MYO18B: variants seen among roughly 807,000 people sequenced by gnomAD.
MYO18B encodes the protein unconventional myosin-XVIIIb.
A neutral mutation model predicts 273.0 loss-of-function variants in MYO18B; 204 were observed. That is an observed-to-expected ratio of 0.75 (90% confidence interval 0.67 to 0.84). The LOEUF is 0.84. Among genes scored for constraint, MYO18B ranks in the 40% least tolerant of loss-of-function variants. The probability of loss-of-function intolerance (pLI) is 0.00; values close to 1 mark genes in which losing one functional copy is unlikely to be tolerated. For missense variants in MYO18B, 3,212 were observed against 3,287.6 expected (o/e 0.98, Z 0.56); for synonymous variants, 1,330 against 1,305.7 (o/e 1.02, Z -0.40).
chr22:25,818,607 C>G (rs1477217189), intron 12 of MYO18B, among the ~76,000 whole-genome samples: 1 of 152,158 alleles, frequency 6.6e-6, no homozygotes, highest in East Asian at 1.9e-4. Context: ...GGGTGTGACC[C>G]ACATCCCAAG....
intron 11 of MYO18B, among the ~76,000 whole-genome samples, chr22:25,787,192 G>C (rs1455631658): frequency 6.6e-6 from 1 of 151,778 alleles, no homozygotes; most frequent in African/African-American, 2.4e-5. Flanking sequence ...TCCAGCGTGG[G>C]AGACAGAGCG....
intron 1 of MYO18B, 42 bp downstream of exon 1, chr22:25,742,335 A>C (rs1424131071): frequency 6.6e-6 from 1 of 152,250 alleles, no homozygotes; most frequent in Non-Finnish European, 1.5e-5. Flanking sequence ...TTGCGAGCGG[A>C]TCGGCGAGTT....
the MYO18B span, among the ~76,000 whole-genome samples, chr22:26,060,168 C>T: frequency 2.0e-5 from 3 of 152,198 alleles, no homozygotes; most frequent in East Asian, 5.8e-4. Flanking sequence ...CCACATTCTA[C>T]TCACTCCTTG....
chr22:25,784,779 T>A (rs928429596), intron 10 of MYO18B, among the ~76,000 whole-genome samples: 6 of 152,290 alleles, frequency 3.9e-5, no homozygotes, highest in Non-Finnish European at 7.4e-5. Flanking sequence ...CAAAAGTGGG[T>A]GGCCCATCTG....
chr22:26,007,477 A>G (rs1403966665), intron 42 of MYO18B, among the ~76,000 whole-genome samples: 2 of 152,212 alleles, frequency 1.3e-5, no homozygotes, highest in Admixed American at 1.3e-4. Flanking sequence ...CTCACCTGGT[A>G]AAGTTTACTG....
chr22:26,002,976 G>A (rs1934098501), intron 40 of MYO18B, among the ~76,000 whole-genome samples: 1 of 152,188 alleles, frequency 6.6e-6, no homozygotes, highest in Non-Finnish European at 1.5e-5. Flanking sequence ...AACAAGAGTA[G>A]CGGTAATGGT....
chr22:25,886,665 T>A lies in MYO18B; in HGVS notation c.4315-4091T>A, dbSNP rs5761301. Among the ~76,000 whole-genome samples, 4 of 152,210 alleles carry A rather than the reference T, an allele frequency of 2.6e-5. No individual in the cohort carries two copies. In the South Asian group the frequency reaches 8.3e-4, roughly 32 times the overall value. On this transcript the variant is annotated intron_variant, in intron 25 of 43. Coordinates refer to ENST00000335473, the MANE Select transcript of MYO18B (RefSeq NM_032608.7). ...AGCTCTCTGGGCTATGGCTGCCTGG[T>A]TTGTTCTAGGTGGATAATTGCTTTA... is the stretch of plus-strand genomic sequence containing the variant.
chr22:25,790,166 A>AAAC (rs2087598781), intron 11 of MYO18B, among the ~76,000 whole-genome samples: 1 of 152,226 alleles, frequency 6.6e-6, no homozygotes, highest in African/African-American at 2.4e-5. Flanking sequence ...AAAAAACAAC[A>AAAC]AACTTTCACA....
intron 33 of MYO18B, among the ~76,000 whole-genome samples, chr22:25,920,152 G>A (rs1214115979): frequency 6.6e-6 from 1 of 152,148 alleles, no homozygotes; most frequent in East Asian, 1.9e-4. Context: ...GAAATGGTTA[G>A]CATTTCATGT....
intron 40 of MYO18B, among the ~76,000 whole-genome samples, chr22:25,999,651 T>TCTCCTCCTCCTC (rs895145734): frequency 5.0e-5 from 3 of 59,596 alleles, no homozygotes; most frequent in African/African-American, 1.9e-4. Flanking sequence ...TTCTCCTCCT[T>TCTCCTCCTCCTC]CTCCTCCTCC....
intron 40 of MYO18B, among the ~76,000 whole-genome samples, chr22:25,997,093 C>T (rs1009969701): frequency 3.9e-5 from 6 of 151,914 alleles, no homozygotes; most frequent in African/African-American, 9.7e-5. Context: ...GAGGCCAAGG[C>T]GGGTGGATCA....
intron 16 of MYO18B, among the ~76,000 whole-genome samples, chr22:25,834,647 A>ATT (rs1351327778): frequency 6.6e-6 from 1 of 152,084 alleles, no homozygotes; most frequent in African/African-American, 2.4e-5. Flanking sequence ...CCAACTCCTT[A>ATT]TGGGCCCTCA....
chr22:25,796,115 A>T (rs890412086), intron 11 of MYO18B, among the ~76,000 whole-genome samples: 1 of 152,180 alleles, frequency 6.6e-6, no homozygotes, highest in African/African-American at 2.4e-5. Context: ...TTCCCGGCTC[A>T]CTTCCTTTCC....
intron 15 of MYO18B, among the ~76,000 whole-genome samples, chr22:25,830,625 G>A (rs1159355704): frequency 3.3e-5 from 5 of 152,198 alleles, no homozygotes; most frequent in Non-Finnish European, 5.9e-5. Context: ...GGCTGTCCTT[G>A]TAGTGCTGGG....
chr22:25,836,286 A>G (rs1327129673), intron 17 of MYO18B, among the ~76,000 whole-genome samples: 1 of 152,142 alleles, frequency 6.6e-6, no homozygotes, highest in African/African-American at 2.4e-5. Flanking sequence ...AAATTGGGAA[A>G]GAAGTCACCC....
chr22:25,876,077 G>A (rs1052643317), intron 23 of MYO18B, 112 bp from the exon 24 acceptor site: 5 of 964,406 alleles, frequency 5.2e-6, no homozygotes, highest in Non-Finnish European at 6.1e-6. Flanking sequence ...CCCTTCCACC[G>A]GGAAATAACC....
rs546737615 is a variant in MYO18B, at chr22:25,870,514, T to C, written c.3951+2129T>C. 2.6e-5 allele frequency among the ~76,000 whole-genome samples: 4 copies of C among 152,372 alleles called. No homozygotes were observed. The South Asian group carries it at 6.2e-4, about 24-fold the overall frequency. ...GTAAAAATATGGTATTATAATGTTA[T>C]GGGCTCGCTGTTGTGTATGCGTCTA... is the stretch of plus-strand genomic sequence containing the variant. On this transcript the variant is annotated intron_variant, in intron 22 of 43. Coordinates refer to ENST00000335473, the MANE Select transcript of MYO18B (RefSeq NM_032608.7).
At chr22:25,842,476 C>T (rs1275550454) in intron 17 of MYO18B, among the ~76,000 whole-genome samples, 3 of 151,912 alleles carry the variant, frequency 2.0e-5, no homozygotes, top group Non-Finnish European at 4.4e-5. Flanking sequence ...AGTTCGAGAC[C>T]AGCCTGGCCA....
At chr22:26,020,607 G>A (rs1226247440) in intron 42 of MYO18B, among the ~76,000 whole-genome samples, 1 of 152,198 alleles carries the variant, frequency 6.6e-6, no homozygotes, top group Non-Finnish European at 1.5e-5. Flanking sequence ...AATAAGTCAT[G>A]TATGGAAGTT....
Sources: allele counts gnomAD v4.1 joint callset (sites outside exome capture counted in the v4.1 genomes callset), GRCh38; gene constraint gnomAD v4.1.1; transcripts MANE v1.5; gene names NCBI Gene and HGNC (gene_info 2026-07-23, HGNC 2026-07-21).